Variants in SS18 observed in about 807,000 individuals in gnomAD.
SS18 encodes SS18 subunit of BAF chromatin remodeling complex.
A neutral mutation model predicts 72.5 loss-of-function variants in SS18; 28 were observed. That is an observed-to-expected ratio of 0.39 (90% confidence interval 0.29 to 0.53). The LOEUF (loss-of-function observed/expected upper bound fraction) is 0.53. SS18 is among the 20% of genes least tolerant of loss of function. The probability of loss-of-function intolerance (pLI) is 0.76; values close to 1 mark genes in which losing one functional copy is unlikely to be tolerated. For synonymous variants in SS18, 172 were observed against 164.2 expected, an observed-to-expected ratio of 1.05 and a Z score of -0.37; for missense variants, 518 against 535.3, an observed-to-expected ratio of 0.97 and a Z score of 0.32.
intron 5 of SS18, among the ~76,000 whole-genome samples, chr18:26,044,308 T>C (rs749104144): frequency 3.3e-5 from 5 of 151,460 alleles, no homozygotes; most frequent in East Asian, 1.9e-4. Context: ...TTATGTTGTA[T>C]GCTTTTCATA....
At chr18:26,050,730 C>G (rs1328312855) in intron 5 of SS18, among the ~76,000 whole-genome samples, 1 of 151,522 alleles carries the variant, frequency 6.6e-6, no homozygotes, top group Non-Finnish European at 1.5e-5. Flanking sequence ...CCGGTGAAAC[C>G]CTGTCTCTAC....
intron 2 of SS18, among the ~76,000 whole-genome samples, chr18:26,084,936 A>C (rs553170409): frequency 3.3e-5 from 5 of 152,342 alleles, no homozygotes; most frequent in African/African-American, 9.6e-5. Flanking sequence ...CTTGATTTTA[A>C]CAATTATACT....
intron 5 of SS18, among the ~76,000 whole-genome samples, chr18:26,039,835 C>T (rs896148267): frequency 4.6e-5 from 7 of 152,074 alleles, no homozygotes; most frequent in Middle Eastern, 3.4e-3. Flanking sequence ...GAAAATATAC[C>T]AAAAGTAAAC....
intron 4 of SS18, among the ~76,000 whole-genome samples, chr18:26,054,430 CAT>C (rs1194361616): frequency 1.3e-5 from 2 of 152,118 alleles, no homozygotes; most frequent in African/African-American, 4.8e-5. Context: ...ACACAGAACA[CAT>C]ATATATGTGT....
chr18:26,026,282 A>T lies in SS18; in HGVS notation c.1230+6117T>A, dbSNP rs2053446198. 2.0e-5 allele frequency among the ~76,000 whole-genome samples: 3 copies of T among 152,306 alleles called. No individual in the cohort carries two copies. In the South Asian group the frequency reaches 6.2e-4, roughly 32 times the overall value. ...AACAAAATTTTAGCTAATCAACCCA[A>T]TATATAAAAAGGATATATATCATGA... On this transcript the variant is annotated intron_variant, in intron 10 of 10. Transcript: ENST00000415083.
At chr18:26,027,600 A>AGGC (rs377456635) in intron 10 of SS18, among the ~76,000 whole-genome samples, 61 of 143,054 alleles carry the variant, frequency 4.3e-4, no homozygotes, top group African/African-American at 1.5e-3. Context: ...TGAACCCGGA[A>AGGC]GGCGGTGGTT....
At chr18:26,048,038 A>G (rs2053859780) in intron 5 of SS18, among the ~76,000 whole-genome samples, 1 of 152,164 alleles carries the variant, frequency 6.6e-6, no homozygotes, top group Non-Finnish European at 1.5e-5. Flanking sequence ...TAAACATACA[A>G]AGTTATGCAA....
In SS18 at chr18:26,035,808, T is replaced by C. The variant is rs1178597759; in HGVS notation, c.973+23A>G. ...CTGTAGAAGGGGATATATATGTGTA[T>C]GTGTGTGAAGGTATATAGATACCTC... On this transcript the variant is annotated intron_variant, in intron 8 of 10. Coordinates refer to ENST00000415083, the MANE Select transcript of SS18 (RefSeq NM_001007559.3). This position sits in a 1 kb window ranked among gnomAD's most constrained non-coding sequence, Gnocchi z 4.4. 1.9e-5 allele frequency: 28 copies of C among 1,491,926 alleles called. No homozygotes were observed. Among genetic ancestry groups the C allele is most frequent in the Non-Finnish European group, 2.6e-5 (28 of 1,081,952 alleles). 92.4% of individuals were successfully genotyped at this position (1,491,926 alleles called of 1,614,324 possible).
intron 9 of SS18, among the ~76,000 whole-genome samples, chr18:26,034,771 G>A (rs144488748): frequency 8.6e-4 from 131 of 152,154 alleles, no homozygotes; most frequent in African/African-American, 3.1e-3. Context: ...TCTTTTAAAT[G>A]ACTCCACACA....
Position 26,018,169 on chromosome 18 carries a change from T to G in SS18, c.*185A>C, listed in dbSNP as rs775197881. ...AGAAATGTGAAATCAAGAGTATTTT[T>G]GAGCTACTAAAGCCTTTTATAACTA... On this transcript the variant is annotated 3_prime_UTR_variant, in exon 11 of 11. Transcript: ENST00000415083. The G allele has an allele frequency of 2.0e-6, 1 of 504,300 alleles. No homozygotes were observed. Among genetic ancestry groups the G allele is most frequent in the Non-Finnish European group, 3.6e-6 (1 of 279,788 alleles). 31.2% of individuals were successfully genotyped at this position (504,300 alleles called of 1,614,324 possible).
In SS18 at chr18:26,032,530, G is replaced by C. The variant is rs749690456; in HGVS notation, c.1099C>G (p.Pro367Ala). 6.2e-7 allele frequency: 1 copy of C among 1,613,202 alleles called. No individual in the cohort carries two copies. Among genetic ancestry groups the C allele is most frequent in the Non-Finnish European group, 8.5e-7 (1 of 1,179,620 alleles). The part of the protein sequence containing the change: ...GYPGQQQGYG[P>A]SQGGPGPQYP... Reference sequence around the variant, plus strand: ...TGAGGACCTGGACCACCCTGTGAAGGACCTGAAAATAATGTACACAACAAA... The same window carrying C: ...TGAGGACCTGGACCACCCTGTGAAGCACCTGAAAATAATGTACACAACAAA... The change falls in exon 10 of 11, where the codon CCT becomes GCT. Residue 367 changes from proline to alanine, a missense_variant and splice_region_variant. Transcript: ENST00000415083.
At chr18:26,038,984 G>T (rs981271857) in intron 6 of SS18, among the ~76,000 whole-genome samples, 2 of 151,886 alleles carry the variant, frequency 1.3e-5, no homozygotes, top group Non-Finnish European at 2.9e-5. Context: ...ACAGTGCTGT[G>T]AAGTAAAATT....
chr18:26,080,551 T>G (rs908509701), intron 2 of SS18: 1 of 180,516 alleles, frequency 5.5e-6, no homozygotes, highest in Non-Finnish European at 1.1e-5. Context: ...AGCAGGACAC[T>G]GAAGTTGCCT....
chr18:26,042,708 C>T (rs1013868220), intron 5 of SS18, among the ~76,000 whole-genome samples: 1 of 150,830 alleles, frequency 6.6e-6, no homozygotes, highest in African/African-American at 2.4e-5. Context: ...TTATTAGGTA[C>T]AACACCCCAG....
intron 7 of SS18, among the ~76,000 whole-genome samples, chr18:26,037,793 C>T (rs2053650188): frequency 6.6e-6 from 1 of 151,992 alleles, no homozygotes; most frequent in African/African-American, 2.4e-5. Context: ...ATTTTTTCTT[C>T]TACACTGTAT....
chr18:26,050,476 C>A (rs918441705), intron 5 of SS18, among the ~76,000 whole-genome samples: 1 of 151,778 alleles, frequency 6.6e-6, no homozygotes, highest in African/African-American at 2.4e-5. Context: ...CTTCAATCAT[C>A]CTCTAGCATC....
intron 3 of SS18, among the ~76,000 whole-genome samples, chr18:26,069,812 T>C (rs1489690110): frequency 6.6e-6 from 1 of 152,206 alleles, no homozygotes; most frequent in African/African-American, 2.4e-5. Flanking sequence ...GAAATTGTTC[T>C]CTCATAATTC....
intron 4 of SS18, among the ~76,000 whole-genome samples, chr18:26,054,480 CATA>C (rs2053980073): frequency 6.6e-6 from 1 of 151,908 alleles, no homozygotes; most frequent in African/African-American, 2.4e-5. Context: ...CAGTATAATT[CATA>C]ATAACAAAAG....
At chr18:26,043,460 T>C (rs1568001699) in intron 5 of SS18, among the ~76,000 whole-genome samples, 1 of 152,198 alleles carries the variant, frequency 6.6e-6, no homozygotes, top group Non-Finnish European at 1.5e-5. Context: ...TGCTTACATT[T>C]TACTATTTGT....
Sources: allele counts gnomAD v4.1 joint callset (sites outside exome capture counted in the v4.1 genomes callset), GRCh38; gene constraint gnomAD v4.1.1; non-coding constraint Gnocchi (gnomAD v3.1); transcripts MANE v1.5; gene names NCBI Gene and HGNC (gene_info 2026-07-23, HGNC 2026-07-21).